LIMCH1: variants seen among roughly 807,000 people sequenced by gnomAD.
LIMCH1 encodes the protein LIM and calponin homology domains-containing protein 1.
In LIMCH1, 113 loss-of-function variants were observed where a neutral mutation model predicts 176.5. That is an observed-to-expected ratio of 0.64 (90% CI 0.55 to 0.75). The LOEUF (loss-of-function observed/expected upper bound fraction) is 0.75, where lower values mean the gene tolerates loss of function less well. LIMCH1 is among the 30% of genes least tolerant of loss of function. LIMCH1 has a pLI of 0.00. For missense variants in LIMCH1, 1,674 were observed against 1,814.9 expected, an observed-to-expected ratio of 0.92 and a Z score of 1.41; for synonymous variants, 619 against 645.9, an observed-to-expected ratio of 0.96 and a Z score of 0.63.
intron 1 of LIMCH1, among the ~76,000 whole-genome samples, chr4:41,403,373 G>A (rs2058660719): frequency 6.6e-6 from 1 of 152,128 alleles, no homozygotes; most frequent in Non-Finnish European, 1.5e-5. Flanking sequence ...TTGAGCTCAG[G>A]AGTTCAAGAC....
intron 1 of LIMCH1, among the ~76,000 whole-genome samples, chr4:41,419,689 T>TTCCTTCC (rs2060415608): frequency 2.8e-5 from 2 of 70,542 alleles, no homozygotes; most frequent in Non-Finnish European, 5.2e-5. Flanking sequence ...TCCTCCTTCC[T>TTCCTTCC]TCCTTCCTTC....
intron 2 of LIMCH1, among the ~76,000 whole-genome samples, chr4:41,517,316 G>C (rs2152387036): frequency 6.6e-6 from 1 of 152,270 alleles, no homozygotes; most frequent in Admixed American, 6.5e-5. Context: ...AAAGGAGGCT[G>C]GGCAATAAAG....
intron 17 of LIMCH1, among the ~76,000 whole-genome samples, chr4:41,647,291 T>C (rs2094106489): frequency 6.6e-6 from 1 of 152,220 alleles, no homozygotes; most frequent in Non-Finnish European, 1.5e-5. Flanking sequence ...TTGGTTCAAA[T>C]AGAAGTATAT....
At chr4:41,403,703 A>G (rs927730240) in intron 1 of LIMCH1, among the ~76,000 whole-genome samples, 10 of 152,176 alleles carry the variant, frequency 6.6e-5, no homozygotes, top group African/African-American at 2.2e-4. Context: ...TTTCAATCCA[A>G]TGCATTTTGG....
intron 1 of LIMCH1, among the ~76,000 whole-genome samples, chr4:41,363,171 A>C (rs532269154): frequency 2.5e-4 from 38 of 152,236 alleles, no homozygotes; most frequent in African/African-American, 8.4e-4. Context: ...TCTGCAAACC[A>C]CGGGAACCCA....
intron 1 of LIMCH1, among the ~76,000 whole-genome samples, chr4:41,480,614 C>G (rs773558787): frequency 6.6e-6 from 1 of 152,050 alleles, no homozygotes; most frequent in African/African-American, 2.4e-5. Flanking sequence ...AAAAAAAAGC[C>G]AACAACTAAA....
intron 1 of LIMCH1, among the ~76,000 whole-genome samples, chr4:41,423,354 G>C (rs929570411): frequency 1.3e-5 from 2 of 152,018 alleles, no homozygotes; most frequent in Non-Finnish European, 2.9e-5. Context: ...GTTTTGGGTG[G>C]TATGCACACC....
intron 1 of LIMCH1, among the ~76,000 whole-genome samples, chr4:41,457,835 G>A (rs1361215156): frequency 1.3e-5 from 2 of 152,140 alleles, no homozygotes; most frequent in African/African-American, 2.4e-5. Flanking sequence ...CCTTGAAATA[G>A]CATCTTTGCC....
intron 1 of LIMCH1, among the ~76,000 whole-genome samples, chr4:41,405,601 G>A (rs776184658): frequency 2.7e-4 from 41 of 151,968 alleles, no homozygotes; most frequent in Non-Finnish European, 5.0e-4. Context: ...ATTTATCTTT[G>A]TAGTCCATTA....
chr4:41,619,202 T>C lies in LIMCH1; in HGVS notation c.220T>C (p.Ser74Pro), dbSNP rs201848336. 6.2e-7 allele frequency: 1 copy of C among 1,614,160 alleles called. No homozygotes were observed. Among genetic ancestry groups the C allele is most frequent in the Non-Finnish European group, 8.5e-7 (1 of 1,180,030 alleles). ...CTCTTCCCTAGGGAGAGGAAGCGAC[T>C]CTGAATCCGACTTGCCTCATCGGAA... ...RGSSDGRGSD[S>P]ESDLPHRKLP... The change falls in exon 6 of 32, where the codon TCT becomes CCT. Residue 74 changes from serine (S) to proline (P), a missense_variant. Transcript: ENST00000503057.
chr4:41,679,975 T>C, intron 23 of LIMCH1, 31 bp from the exon 24 acceptor site: 1 of 1,506,850 alleles, frequency 6.6e-7, no homozygotes, highest in Non-Finnish European at 9.2e-7. Context: ...CAATGGTCAG[T>C]TGAGAACAAT....
intron 1 of LIMCH1, among the ~76,000 whole-genome samples, chr4:41,442,206 G>A (rs1386733632): frequency 6.6e-6 from 1 of 152,098 alleles, no homozygotes; most frequent in Non-Finnish European, 1.5e-5. Flanking sequence ...AGGCTGATGC[G>A]AGAGGATCAC....
At chr4:41,367,647 T>G (rs56983955) in intron 1 of LIMCH1, among the ~76,000 whole-genome samples, 2,026 of 127,978 alleles carry the variant, frequency 0.016, 46 homozygotes, top group African/African-American at 0.058. Flanking sequence ...CAGACCATTC[T>G]GGCTAACACA....
chr4:41,645,028 A>T (rs1423455417), intron 15 of LIMCH1, among the ~76,000 whole-genome samples: 1 of 152,254 alleles, frequency 6.6e-6, no homozygotes, highest in Non-Finnish European at 1.5e-5. Flanking sequence ...CTTTGCATGC[A>T]TTCATTTAAT....
intron 1 of LIMCH1, among the ~76,000 whole-genome samples, chr4:41,562,012 T>C (rs951559539): frequency 6.6e-6 from 1 of 152,186 alleles, no homozygotes; most frequent in Non-Finnish European, 1.5e-5. Flanking sequence ...AGTATCATTA[T>C]TGCTTGTGGG....
In LIMCH1 at chr4:41,620,612, A is replaced by G. The variant is rs1214554920; in HGVS notation, c.647A>G (p.Asp216Gly). Residue 216 changes from aspartate to glycine, a missense_variant, in exon 7 of 32, where the codon GAT becomes GGT. Physicochemically the swap from Asp to Gly is moderately conservative, Grantham distance 94. Coordinates refer to ENST00000503057, the MANE Select transcript of LIMCH1 (RefSeq NM_001330672.2). ...CCAGCTCCCAAGTCTGAAGAAAAAGATGCTGCTGAGATCCAAAAGCGCAAA... is the reference window on the plus strand; with the variant it reads ...CCAGCTCCCAAGTCTGAAGAAAAAGGTGCTGCTGAGATCCAAAAGCGCAAA... ...VAPAPKSEEKDAAEIQKRKRL... is the reference protein window; with the variant it reads ...VAPAPKSEEKGAAEIQKRKRL... 4.6e-6 allele frequency: 7 copies of G among 1,536,136 alleles called. No homozygotes were observed. In the Admixed American group the frequency reaches 1.4e-4, roughly 30 times the overall value.
At chr4:41,452,969 A>G (rs140310643) in intron 1 of LIMCH1, among the ~76,000 whole-genome samples, 1 of 152,268 alleles carries the variant, frequency 6.6e-6, no homozygotes, top group Non-Finnish European at 1.5e-5. Context: ...CTTGATAAAT[A>G]TTTGAGTGAA....
At chr4:41,565,873 A>T (rs56940142) in intron 1 of LIMCH1, among the ~76,000 whole-genome samples, 10,682 of 152,226 alleles carry the variant, frequency 0.07, 1,204 homozygotes, top group African/African-American at 0.24. Flanking sequence ...GATGATGCTG[A>T]TAATAACCAC....
chr4:41,654,883 C>T (rs1431113031), intron 18 of LIMCH1, among the ~76,000 whole-genome samples: 1 of 152,164 alleles, frequency 6.6e-6, no homozygotes, highest in Non-Finnish European at 1.5e-5. Flanking sequence ...GGGTTTTGTT[C>T]ATTTCAGCAT....
Sources: allele counts gnomAD v4.1 joint callset (sites outside exome capture counted in the v4.1 genomes callset), GRCh38; gene constraint gnomAD v4.1.1; transcripts MANE v1.5; gene names NCBI Gene and HGNC (gene_info 2026-07-23, HGNC 2026-07-21).